Variants in TSPAN10 observed in about 807,000 individuals in gnomAD.
The protein encoded by TSPAN10 is tetraspanin 10, also known as tetraspanin-10.
TSPAN10 carries 11 observed loss-of-function variants against 15.0 expected under a neutral mutation model. That is an observed-to-expected ratio of 0.73 (90% confidence interval 0.46 to 1.21). The LOEUF (loss-of-function observed/expected upper bound fraction) is 1.21, where lower values mean the gene tolerates loss of function less well. Ranked by LOEUF, TSPAN10 falls within the 50% of genes most tolerant of loss-of-function variation. The probability of loss-of-function intolerance (pLI) is 0.00; values close to 1 mark genes in which losing one functional copy is unlikely to be tolerated. For synonymous variants in TSPAN10, 241 were observed against 226.2 expected, an observed-to-expected ratio of 1.07 and a Z score of -0.59; for missense variants, 486 against 470.6, an observed-to-expected ratio of 1.03 and a Z score of -0.30.
chr17:81,647,906 T>TAAC, exon 3 of TSPAN10: 2 of 1,600,450 alleles, frequency 1.2e-6, no homozygotes, highest in Non-Finnish European at 8.5e-7. Context: ...TGCAGGTACT[T>TAAC]TAACTGCAGC....
At chr17:81,647,737 T>C in intron 2 of TSPAN10, 164 bp from the exon 4 acceptor site, 1 of 707,750 alleles carries the variant, frequency 1.4e-6, no homozygotes, top group Non-Finnish European at 2.4e-6. Context: ...GCTGTGTGTG[T>C]CCGTGTGTGC....
upstream of TSPAN10, among the ~76,000 whole-genome samples, chr17:81,640,750 T>C (rs2144373515): frequency 6.6e-6 from 1 of 152,164 alleles, no homozygotes; most frequent in Admixed American, 6.5e-5. Flanking sequence ...GCCCAGCCCC[T>C]AATGGCCTTT....
upstream of TSPAN10, among the ~76,000 whole-genome samples, chr17:81,640,258 A>G (rs2036166806): frequency 1.3e-5 from 2 of 152,102 alleles, no homozygotes; most frequent in Non-Finnish European, 2.9e-5. Flanking sequence ...AAGTGCTTAG[A>G]TTACAGGCAT....
At chr17:81,647,967 C>G in exon 3 of TSPAN10, 1 of 1,611,216 alleles carries the variant, frequency 6.2e-7, no homozygotes, top group Non-Finnish European at 8.5e-7. Context: ...GCATCGACCC[C>G]CGCGAAGATG....
At chr17:81,646,849 GTTT>G (rs2036261537) in intron 2 of TSPAN10, among the ~76,000 whole-genome samples, 1 of 44,508 alleles carries the variant, frequency 2.2e-5, no homozygotes, top group Admixed American at 3.4e-4. Context: ...TTGTTGGTTT[GTTT>G]GTTTGTTTTT....
At chr17:81,639,200 C>CTTTTTTTTTTTTTTTTTTTTTTTTT (rs757994889), upstream of TSPAN10, 2 of 115,252 alleles carry the variant, frequency 1.7e-5, 1 homozygote, top group Non-Finnish European at 3.3e-5. Flanking sequence ...TTTGGAATTA[C>CTTTTTTTTTTTTTTTTTTTTTTTTT]TTTTCTTTTT....
chr17:81,642,302 C>T (rs764744465), upstream of TSPAN10: 6 of 1,331,956 alleles, frequency 4.5e-6, no homozygotes, highest in Non-Finnish European at 6.5e-6. Context: ...CTGCACTGTT[C>T]ACAGACTAGC....
upstream of TSPAN10, among the ~76,000 whole-genome samples, chr17:81,639,837 G>A (rs1049822741): frequency 8.6e-5 from 13 of 151,974 alleles, no homozygotes; most frequent in South Asian, 2.1e-4. Context: ...AAAATTAGCC[G>A]GGCGTGGTGG....
At chr17:81,645,954 G>A (rs2036247374) in intron 2 of TSPAN10, 2 of 466,116 alleles carry the variant, frequency 4.3e-6, no homozygotes, top group East Asian at 8.8e-5. Context: ...AGGTATAGGG[G>A]TGCTTGCCTC....
At chr17:81,643,480 G>A (rs1457524923) in intron 1 of TSPAN10, among the ~76,000 whole-genome samples, 1 of 82,970 alleles carries the variant, frequency 1.2e-5, no homozygotes, top group Non-Finnish European at 2.1e-5. Context: ...GCGTAGTGGC[G>A]GGCGCCTGTA....
intron 2 of TSPAN10, 177 bp from the exon 4 acceptor site, chr17:81,647,724 G>A (rs1037489796): frequency 7.4e-6 from 5 of 678,356 alleles, no homozygotes; most frequent in African/African-American, 7.2e-5. Context: ...TAGAGAGCCA[G>A]GTGCTGTGTG....
At chr17:81,645,484 C>T in exon 2 of TSPAN10, 2 of 1,581,888 alleles carry the variant, frequency 1.3e-6, no homozygotes, top group Non-Finnish European at 8.6e-7. Context: ...CCTCTGGGGC[C>T]CGCTGCAAGA....
chr17:81,647,306 C>A lies in TSPAN10; in HGVS notation c.675-595C>A. 3 of 412,472 alleles carry A rather than the reference C, an allele frequency of 7.3e-6. 1 individual carries two copies. Among genetic ancestry groups the A allele is most frequent in the South Asian group, 5.4e-5 (3 of 55,972 alleles). 25.6% of individuals were successfully genotyped at this position (412,472 alleles called of 1,614,324 possible). A position where few individuals can be genotyped will look rare whatever the true frequency, so the allele number is the denominator to read the frequency against. ...AGAGTGGAGAGGGCATGGGGATGAG[C>A]CTGCAGGTCTGCTGGGCCCGTGTGC... On this transcript the variant is annotated intron_variant, in intron 2 of 2. Coordinates refer to ENST00000611590, the Ensembl canonical transcript of TSPAN10.
chr17:81,637,795 G>A (rs149998212), upstream of TSPAN10: 288 of 160,692 alleles, frequency 1.8e-3, 2 homozygotes, highest in Non-Finnish European at 2.9e-3. Context: ...TTAACTGGGC[G>A]TGGTGGCGGG....
At chr17:81,647,770 G>A (rs773222332) in intron 2 of TSPAN10, 131 bp from the exon 4 acceptor site, 17 of 896,396 alleles carry the variant, frequency 1.9e-5, no homozygotes, top group Middle Eastern at 2.9e-4. Context: ...ATAGGAGGGC[G>A]TATGCACGTG....
upstream of TSPAN10, among the ~76,000 whole-genome samples, chr17:81,641,017 A>G (rs2036173224): frequency 2.0e-5 from 3 of 151,982 alleles, no homozygotes; most frequent in South Asian, 6.2e-4. Flanking sequence ...TACTAAAAAT[A>G]CAAAATCAGT....
exon 3 of TSPAN10, chr17:81,648,001 G>A (rs1019333370): frequency 1.2e-6 from 2 of 1,610,446 alleles, no homozygotes; most frequent in Non-Finnish European, 1.7e-6. Flanking sequence ...CGACCAGTGC[G>A]GCTTCGGGGT....
chr17:81,642,325 T>G (rs1418727837), upstream of TSPAN10: 1 of 1,531,158 alleles, frequency 6.5e-7, no homozygotes, highest in African/African-American at 1.4e-5. Context: ...AGGGCCGCAG[T>G]CAGGACCAGC....
exon 1 of TSPAN10, chr17:81,642,445 C>T (rs566416922): frequency 2.5e-6 from 4 of 1,608,116 alleles, no homozygotes; most frequent in Non-Finnish European, 2.5e-6. Flanking sequence ...CCTTACTGTC[C>T]CAGGTGAGCC....
Sources: gnomAD v4.1 joint callset for allele counts (sites outside exome capture counted in the v4.1 genomes callset) on GRCh38, gnomAD v4.1.1 for gene constraint, MANE v1.5 for transcripts, NCBI Gene and HGNC (gene_info 2026-07-23, HGNC 2026-07-21) for gene names.